CYP19A1: variants seen among roughly 807,000 people sequenced by gnomAD.
CYP19A1 encodes aromatase.
CYP19A1 carries 32 observed loss-of-function variants against 44.4 expected under a neutral mutation model. The observed-to-expected ratio is 0.72, with a 90% CI of 0.54 to 0.97. CYP19A1 has a LOEUF of 0.97. Ranked by LOEUF, CYP19A1 falls within the 50% of genes least tolerant of loss-of-function variation. The pLI is 0.00. For synonymous variants in CYP19A1, 212 were observed against 215.6 expected (o/e 0.98, Z 0.14); for missense variants, 598 against 637.8 (o/e 0.94, Z 0.67).
chr15:51,226,229 T>G (rs1233269515), intron 4 of CYP19A1, among the ~76,000 whole-genome samples: 1 of 150,902 alleles, frequency 6.6e-6, no homozygotes, highest in Non-Finnish European at 1.5e-5. Context: ...GGCTTTGAAG[T>G]TGGAAGAAAG....
intron 4 of CYP19A1, 106 bp downstream of exon 4, chr15:51,227,673 A>G (rs1232186374): frequency 1.5e-5 from 3 of 205,834 alleles, no homozygotes; most frequent in African/African-American, 1.1e-4. Context: ...AGCCTGTCTC[A>G]ATAAATAAAT....
chr15:51,236,495 A>G (rs2033401966), intron 3 of CYP19A1, among the ~76,000 whole-genome samples: 1 of 152,100 alleles, frequency 6.6e-6, no homozygotes, highest in Non-Finnish European at 1.5e-5. Flanking sequence ...GTTCTTTTTA[A>G]TGTTTATTTG....
intron 3 of CYP19A1, 22 bp downstream of exon 3, chr15:51,236,837 C>A (rs907244425): frequency 6.2e-7 from 1 of 1,613,824 alleles, no homozygotes; most frequent in South Asian, 1.1e-5. Context: ...AAAAGTATGT[C>A]TTCGATTATG....
At chr15:51,334,474 G>T (rs570134348) in intron 1 of CYP19A1, among the ~76,000 whole-genome samples, 80 of 152,302 alleles carry the variant, frequency 5.3e-4, no homozygotes, top group Middle Eastern at 6.8e-3. Context: ...AAAAACAGTG[G>T]CTCGAGTTCC....
chr15:51,236,124 T>C (rs1245287509), intron 3 of CYP19A1, among the ~76,000 whole-genome samples: 1 of 152,240 alleles, frequency 6.6e-6, no homozygotes, highest in African/African-American at 2.4e-5. Flanking sequence ...ACACTATTTT[T>C]TTAAATGGGT....
At chr15:51,256,211 C>G (rs962031729) in intron 1 of CYP19A1, among the ~76,000 whole-genome samples, 2 of 152,188 alleles carry the variant, frequency 1.3e-5, no homozygotes, top group Non-Finnish European at 2.9e-5. Flanking sequence ...CTCTACCTAA[C>G]CTTGGGAATA....
At chr15:51,318,923 A>G (rs1230328484) in intron 1 of CYP19A1, 3 of 152,314 alleles carry the variant, frequency 2.0e-5, no homozygotes, top group South Asian at 2.1e-4. Context: ...AGCATGAACC[A>G]CATATTTCCC....
chr15:51,289,510 G>A (rs2140985723), intron 1 of CYP19A1, among the ~76,000 whole-genome samples: 1 of 152,188 alleles, frequency 6.6e-6, no homozygotes, highest in East Asian at 1.9e-4. Flanking sequence ...TTCTTCCCAT[G>A]GGAGGCTTTT....
intron 1 of CYP19A1, among the ~76,000 whole-genome samples, chr15:51,267,826 C>G (rs1301030608): frequency 6.6e-6 from 1 of 152,228 alleles, no homozygotes; most frequent in Non-Finnish European, 1.5e-5. Flanking sequence ...CCTGCCGGCT[C>G]CCCATGCCCC....
At chr15:51,237,121 G>A (rs2033451584) in intron 2 of CYP19A1, 112 bp from the exon 3 acceptor site, 13 of 1,179,128 alleles carry the variant, frequency 1.1e-5, no homozygotes, top group Admixed American at 2.0e-5. Context: ...TACATGTGAT[G>A]TATATCTGTG....
chr15:51,330,221 T>G (rs926526007), intron 1 of CYP19A1, among the ~76,000 whole-genome samples: 1 of 152,018 alleles, frequency 6.6e-6, no homozygotes, highest in Non-Finnish European at 1.5e-5. Context: ...ACATATCACA[T>G]GGACCGAAGA....
intron 1 of CYP19A1, among the ~76,000 whole-genome samples, chr15:51,295,301 G>C (rs2035970355): frequency 6.6e-6 from 1 of 152,090 alleles, no homozygotes; most frequent in Non-Finnish European, 1.5e-5. Context: ...GTTAGCCAAG[G>C]CAATGCACAG....
At chr15:51,215,554 G>C in intron 7 of CYP19A1, 149 bp downstream of exon 7, 3 of 1,501,308 alleles carry the variant, frequency 2.0e-6, no homozygotes, top group Non-Finnish European at 2.7e-6. Flanking sequence ...AATATCTAAT[G>C]TGTGGGCTAT....
At chr15:51,277,216 A>C (rs1417974164) in intron 1 of CYP19A1, 1 of 152,208 alleles carries the variant, frequency 6.6e-6, no homozygotes, top group Non-Finnish European at 1.5e-5. Context: ...AAGCTCAATT[A>C]GGAGGATTTT....
At chr15:51,307,807 T>A (rs567972600) in intron 1 of CYP19A1, among the ~76,000 whole-genome samples, 4 of 152,176 alleles carry the variant, frequency 2.6e-5, no homozygotes. Context: ...CACTTGACAT[T>A]GTTCTTTCAT....
chr15:51,293,293 T>C (rs1031879899), intron 1 of CYP19A1, among the ~76,000 whole-genome samples: 16 of 152,160 alleles, frequency 1.1e-4, no homozygotes, highest in African/African-American at 3.9e-4. Flanking sequence ...CAATGCCTGG[T>C]AAACAATATT....
At chr15:51,297,862 A>ACACACACACACACC (rs1213828508) in intron 1 of CYP19A1, among the ~76,000 whole-genome samples, 1 of 150,754 alleles carries the variant, frequency 6.6e-6, no homozygotes, top group Non-Finnish European at 1.5e-5. Context: ...ACACACACAC[A>ACACACACACACACC]CACACACCCT....
Position 51,338,509 on chromosome 15 carries a change from A to C in CYP19A1, c.-53T>G, listed in dbSNP as rs749534950. The C allele has an allele frequency of 3.9e-5, 6 of 152,332 alleles. No individual in the cohort carries two copies. Among genetic ancestry groups the C allele is most frequent in the Non-Finnish European group, 8.8e-5 (6 of 68,050 alleles). 9.4% of individuals were successfully genotyped at this position (152,332 alleles called of 1,614,324 possible). The stretch of plus-strand genomic sequence containing the variant: ...GAGATACATACGCGACGTCTGGAAG[A>C]TCCCGAGCACAGGACCTTCCGTCCT... On this transcript the variant is annotated 5_prime_UTR_variant, in exon 1 of 10. Transcript: ENST00000396402.
At chr15:51,215,420 C>T (rs1373497991) in intron 7 of CYP19A1, among the ~76,000 whole-genome samples, 188 bp from the exon 8 acceptor site, 1 of 152,206 alleles carries the variant, frequency 6.6e-6, no homozygotes, top group Non-Finnish European at 1.5e-5. Flanking sequence ...GGCCGACTGT[C>T]TATGTATATG....
Sources: gnomAD v4.1 joint callset for allele counts (sites outside exome capture counted in the v4.1 genomes callset) on GRCh38, gnomAD v4.1.1 for gene constraint, MANE v1.5 for transcripts, NCBI Gene and HGNC (gene_info 2026-07-23, HGNC 2026-07-21) for gene names.